ANKRD30B: variants seen among roughly 807,000 people sequenced by gnomAD.
The protein encoded by ANKRD30B is ankyrin repeat domain 30B.
Under a neutral mutation model 202.2 loss-of-function variants are expected in ANKRD30B, and 144 were observed. The ratio of observed to expected loss-of-function variants is 0.71; its 90% confidence interval spans 0.62 to 0.82. ANKRD30B has a LOEUF of 0.82. Among genes scored for constraint, ANKRD30B ranks in the 40% least tolerant of loss-of-function variants. The probability of loss-of-function intolerance (pLI) is 0.00; values close to 1 mark genes in which losing one functional copy is unlikely to be tolerated. For synonymous variants in ANKRD30B, 508 were observed against 561.3 expected (o/e 0.91, Z 1.34); for missense variants, 1,487 against 1,669.1 (o/e 0.89, Z 1.90).
At chr18:14,778,120 G>A in intron 10 of ANKRD30B, 45 bp downstream of exon 10, 2 of 1,321,090 alleles carry the variant, frequency 1.5e-6, no homozygotes, top group East Asian at 2.5e-5. Flanking sequence ...CCAAATGTTT[G>A]TCTAAATTCA....
chr18:14,821,691 C>T (rs190504628), intron 30 of ANKRD30B, among the ~76,000 whole-genome samples: 115 of 152,230 alleles, frequency 7.6e-4, no homozygotes, highest in Middle Eastern at 3.4e-3. Context: ...CTCCTGGACT[C>T]GAGAGATCCG....
intron 30 of ANKRD30B, among the ~76,000 whole-genome samples, chr18:14,815,928 G>A (rs1242283923): frequency 6.6e-6 from 1 of 152,092 alleles, no homozygotes; most frequent in Admixed American, 6.6e-5. Flanking sequence ...GTGAAAATTA[G>A]TGGATATTTA....
intron 20 of ANKRD30B, 145 bp from the exon 21 acceptor site, chr18:14,798,956 T>G (rs907225652): frequency 3.7e-5 from 33 of 890,948 alleles, no homozygotes; most frequent in Non-Finnish European, 5.5e-5. Context: ...ACAAATACAA[T>G]AACCCAAAAG....
At chr18:14,867,421 C>A in the ANKRD30B span, among the ~76,000 whole-genome samples, 9 of 151,902 alleles carry the variant, frequency 5.9e-5, no homozygotes, top group Non-Finnish European at 1.3e-4. Flanking sequence ...GGCCCTTCTC[C>A]TCTTCCTGGA....
chr18:14,926,157 G>A, the ANKRD30B span, among the ~76,000 whole-genome samples: 21 of 152,264 alleles, frequency 1.4e-4, no homozygotes, highest in African/African-American at 1.9e-4. Context: ...TTGGAGTCCC[G>A]GTTTCCTGAA....
rs553041089 is a variant in ANKRD30B, at chr18:14,791,376, T to C, written c.1735-25T>C. On this transcript the variant is annotated intron_variant, in intron 15 of 43. Transcript: ENST00000690538. ...ATTACTAGGATTTTTTCATTGAAATTATTTATTGATATTACTTTTAACAGA... is the reference window on the plus strand; with the variant it reads ...ATTACTAGGATTTTTTCATTGAAATCATTTATTGATATTACTTTTAACAGA... The C allele has an allele frequency of 1.9e-5, 30 of 1,552,348 alleles. No homozygotes were observed. In the South Asian group the frequency reaches 3.6e-4, roughly 18 times the overall value.
At chr18:14,908,986 C>G in the ANKRD30B span, among the ~76,000 whole-genome samples, 2 of 152,182 alleles carry the variant, frequency 1.3e-5, no homozygotes, top group Non-Finnish European at 2.9e-5. Flanking sequence ...AGGGCTGGGT[C>G]TCTCTGGAAG....
At chr18:14,936,407 C>G in the ANKRD30B span, among the ~76,000 whole-genome samples, 1 of 152,164 alleles carries the variant, frequency 6.6e-6, no homozygotes, top group African/African-American at 2.4e-5. Flanking sequence ...CTTCCTTCCT[C>G]CCTCCCTCCA....
intron 11 of ANKRD30B, among the ~76,000 whole-genome samples, chr18:14,780,460 TA>T (rs57466543): frequency 1.3e-3 from 201 of 150,986 alleles, no homozygotes; most frequent in African/African-American, 4.6e-3. Context: ...AAAAAATACT[TA>T]AAAAAAATCT....
intron 32 of ANKRD30B, among the ~76,000 whole-genome samples, chr18:14,823,768 G>C (rs767338706): frequency 6.6e-6 from 1 of 152,192 alleles, no homozygotes; most frequent in Non-Finnish European, 1.5e-5. Context: ...AAGGTTAGGA[G>C]TTCCAGACCA....
chr18:14,879,159 C>T, the ANKRD30B span, among the ~76,000 whole-genome samples: 2 of 152,170 alleles, frequency 1.3e-5, no homozygotes, highest in Non-Finnish European at 2.9e-5. Flanking sequence ...GGGGCCACAT[C>T]GACAGTGAAT....
chr18:14,845,405 C>T (rs1223403478), intron 39 of ANKRD30B, among the ~76,000 whole-genome samples: 4 of 152,186 alleles, frequency 2.6e-5, no homozygotes, highest in African/African-American at 9.6e-5. Flanking sequence ...GTAATTTTCA[C>T]ATTTCAATGA....
intron 30 of ANKRD30B, among the ~76,000 whole-genome samples, chr18:14,822,183 T>C (rs1014259705): frequency 1.3e-5 from 2 of 152,224 alleles, no homozygotes; most frequent in African/African-American, 4.8e-5. Context: ...TTTCCTTATA[T>C]GGCAGCTTAC....
At chr18:14,778,357 A>G (rs1359174229) in intron 10 of ANKRD30B, among the ~76,000 whole-genome samples, 1 of 152,248 alleles carries the variant, frequency 6.6e-6, no homozygotes, top group Admixed American at 6.5e-5. Flanking sequence ...TACAGAGAGT[A>G]CATGAGGCAA....
chr18:14,772,324 G>A lies in ANKRD30B; in HGVS notation c.1329+96G>A, dbSNP rs1160411752. The stretch of plus-strand genomic sequence containing the variant: ...GTGTATGTATCATTATTTCATGTTG[G>A]TAATATAAAGTTGGTCAGATAAAAA... On this transcript the variant is annotated intron_variant, in intron 9 of 43. Coordinates refer to ENST00000690538, the MANE Select transcript of ANKRD30B (RefSeq NM_001367607.2). 7 of 694,940 alleles carry A rather than the reference G, an allele frequency of 1.0e-5. No individual in the cohort carries two copies. The East Asian group carries it at 2.1e-4, about 20-fold the overall frequency. The allele number at this position is 694,940 out of a possible 1,614,324, so 43.0% of individuals were successfully genotyped here.
intron 34 of ANKRD30B, among the ~76,000 whole-genome samples, chr18:14,833,373 A>C (rs547412742): frequency 7.2e-4 from 109 of 151,480 alleles, no homozygotes; most frequent in Admixed American, 3.9e-3. Flanking sequence ...CTCAGCCTCC[A>C]GAGCAACTGG....
chr18:14,908,614 A>G, the ANKRD30B span, among the ~76,000 whole-genome samples: 14 of 152,152 alleles, frequency 9.2e-5, no homozygotes, highest in Non-Finnish European at 2.1e-4. Context: ...TTTACTTTCT[A>G]ATCTGTGAGG....
chr18:14,876,336 T>G, the ANKRD30B span, among the ~76,000 whole-genome samples: 44 of 152,212 alleles, frequency 2.9e-4, no homozygotes, highest in Non-Finnish European at 4.7e-4. Flanking sequence ...GTTGAGTAAG[T>G]AAGTGCTAAG....
the ANKRD30B span, among the ~76,000 whole-genome samples, chr18:14,911,348 C>A: frequency 6.6e-6 from 1 of 152,198 alleles, no homozygotes; most frequent in Non-Finnish European, 1.5e-5. Context: ...ATAGGGCAAT[C>A]CAATTTTACC....
Sources: gnomAD v4.1 joint callset for allele counts (sites outside exome capture counted in the v4.1 genomes callset) on GRCh38, gnomAD v4.1.1 for gene constraint, MANE v1.5 for transcripts, NCBI Gene and HGNC (gene_info 2026-07-23, HGNC 2026-07-21) for gene names.